Variants in PHLDB2 observed in about 807,000 individuals in gnomAD.
PHLDB2 encodes the protein pleckstrin homology like domain family B member 2.
Under a neutral mutation model 123.6 loss-of-function variants are expected in PHLDB2, and 71 were observed. The ratio of observed to expected loss-of-function variants is 0.57; its 90% CI spans 0.47 to 0.70. The LOEUF is 0.70. Among genes scored for constraint, PHLDB2 ranks in the 30% least tolerant of loss-of-function variants. The pLI is 0.00. For synonymous variants in PHLDB2, 547 were observed against 541.6 expected (o/e 1.01, Z -0.14); for missense variants, 1,446 against 1,519.5 (o/e 0.95, Z 0.80).
At chr3:111,970,936 A>G (rs754964135) in intron 16 of PHLDB2, among the ~76,000 whole-genome samples, 3 of 152,212 alleles carry the variant, frequency 2.0e-5, no homozygotes, top group Non-Finnish European at 4.4e-5. Flanking sequence ...AGCCTGTGGA[A>G]GAAAGGAAAG....
chr3:111,956,076 T>G (rs2071037854), intron 12 of PHLDB2, among the ~76,000 whole-genome samples: 1 of 152,086 alleles, frequency 6.6e-6, no homozygotes, highest in African/African-American at 2.4e-5. Context: ...GCACCTGTGG[T>G]CCCCACCACT....
chr3:111,969,755 G>T lies in PHLDB2; in HGVS notation c.3381G>T (p.Glu1127Asp), dbSNP rs960616938. 3.1e-6 allele frequency: 5 copies of T among 1,613,962 alleles called. No individual in the cohort carries two copies. Among genetic ancestry groups the T allele is most frequent in the African/African-American group, 1.3e-5 (1 of 74,926 alleles). ...ACTTTGATTTGCGGAGCCATGTAGA[G>T]ACTGCTGGCCACAATATTGACACCT... ...KEDFDLRSHV[E>D]TAGHNIDTCY... Residue 1127 changes from glutamate (E) to aspartate (D), a missense_variant, in exon 16 of 18, where the codon GAG becomes GAT. Physicochemically the swap from Glu to Asp is conservative, Grantham distance 45. Around this residue, in one of 3 missense-constraint regions of PHLDB2, gnomAD observed 594 missense variants for 646.0 expected, o/e 0.92. Transcript: ENST00000431670.
intron 1 of PHLDB2, among the ~76,000 whole-genome samples, chr3:111,831,401 T>A (rs2063028281): frequency 6.6e-6 from 1 of 152,096 alleles, no homozygotes; most frequent in African/African-American, 2.4e-5. Flanking sequence ...TTTAAAGTAA[T>A]GAAGAGAAAG....
chr3:111,969,237 A>C (rs150736023), intron 15 of PHLDB2, among the ~76,000 whole-genome samples: 31 of 152,330 alleles, frequency 2.0e-4, no homozygotes, highest in African/African-American at 7.2e-4. Context: ...GGCCGTACTT[A>C]CTAAATAGTG....
At chr3:111,903,702 G>C (rs982989040) in intron 2 of PHLDB2, among the ~76,000 whole-genome samples, 4 of 152,112 alleles carry the variant, frequency 2.6e-5, no homozygotes, top group Non-Finnish European at 5.9e-5. Flanking sequence ...TCCTAACCAT[G>C]ACTGACAAAG....
chr3:111,923,054 A>G (rs547012455), intron 5 of PHLDB2, among the ~76,000 whole-genome samples: 2 of 152,350 alleles, frequency 1.3e-5, no homozygotes, highest in South Asian at 4.1e-4. Context: ...GATTAACGAT[A>G]AGCTACTACC....
Position 111,973,735 on chromosome 3 carries a change from A to G in PHLDB2, c.3539A>G (p.Lys1180Arg). The change falls in exon 17 of 18, where the codon AAG becomes AGG. Residue 1180 changes from lysine (K) to arginine (R), a missense_variant. Lys to Arg is a conservative substitution (Grantham distance 26, BLOSUM62 2). This residue lies in a region of PHLDB2 where 594 missense variants were observed against 646.0 expected (regional missense o/e 0.92). Transcript: ENST00000431670. Reference protein sequence around the residue: ...NKRTFSYYADKHETKLKGVIY... With the variant: ...NKRTFSYYADRHETKLKGVIY... ...TAACACTTATCTGTCTTTGCAGACA[A>G]GCATGAAACTAAATTGAAAGGAGTA... The G allele has an allele frequency of 6.3e-7, 1 of 1,590,814 alleles. No individual in the cohort carries two copies. Among genetic ancestry groups the G allele is most frequent in the South Asian group, 1.1e-5 (1 of 87,598 alleles).
At position 111,911,855 on chromosome 3, in the gene PHLDB2, G is replaced by A. The variant is rs1274020321; in HGVS notation, c.1336-1464G>A. ...ACCTTAAATATCTGTCTTGTCATTT[G>A]AGTAATGTATTTAATGGAACCTAAG... On this transcript the variant is annotated intron_variant, in intron 2 of 17. Transcript: ENST00000431670. The A allele has an allele frequency of 6.5e-6, 5 of 769,808 alleles. No homozygotes were observed. In the Admixed American group the frequency reaches 6.6e-5, roughly 10 times the overall value. The allele number at this position is 769,808 out of a possible 1,614,324, so 47.7% of individuals were successfully genotyped here.
At chr3:111,795,333 T>C (rs1398412300) in intron 1 of PHLDB2, among the ~76,000 whole-genome samples, 1 of 152,098 alleles carries the variant, frequency 6.6e-6, no homozygotes, top group African/African-American at 2.4e-5. Context: ...GTACCCTAAC[T>C]GGAAATTTCA....
At chr3:111,732,769 C>T (rs765188670) in intron 1 of PHLDB2, 328 of 1,348,348 alleles carry the variant, frequency 2.4e-4, no homozygotes, top group Non-Finnish European at 3.2e-4. Context: ...TATACAGCCT[C>T]GTCACCAGAG....
intron 6 of PHLDB2, among the ~76,000 whole-genome samples, chr3:111,933,972 A>T (rs963007338): frequency 6.6e-6 from 1 of 152,212 alleles, no homozygotes; most frequent in Admixed American, 6.5e-5. Context: ...CACAACTTGG[A>T]TTATGATTAA....
chr3:111,737,570 C>T (rs1011901288), intron 1 of PHLDB2, among the ~76,000 whole-genome samples: 5 of 152,064 alleles, frequency 3.3e-5, no homozygotes, highest in South Asian at 2.1e-4. Context: ...TGGAGGGGTT[C>T]CCAGAAAGTA....
intron 2 of PHLDB2, among the ~76,000 whole-genome samples, chr3:111,903,701 T>C (rs955270233): frequency 6.6e-6 from 1 of 152,176 alleles, no homozygotes; most frequent in Non-Finnish European, 1.5e-5. Flanking sequence ...GTCCTAACCA[T>C]GACTGACAAA....
intron 10 of PHLDB2, among the ~76,000 whole-genome samples, chr3:111,950,175 C>T (rs1284042457): frequency 6.6e-6 from 1 of 152,134 alleles, no homozygotes; most frequent in Non-Finnish European, 1.5e-5. Context: ...CAACTTATCT[C>T]AGATAGTTCT....
chr3:111,901,573 C>T (rs2067208525), intron 2 of PHLDB2, among the ~76,000 whole-genome samples: 1 of 151,606 alleles, frequency 6.6e-6, no homozygotes, highest in African/African-American at 2.4e-5. Flanking sequence ...ATTTAAAGGT[C>T]TTTATACCTC....
At chr3:111,841,254 C>T (rs1310257049) in intron 1 of PHLDB2, among the ~76,000 whole-genome samples, 1 of 152,106 alleles carries the variant, frequency 6.6e-6, no homozygotes, top group Non-Finnish European at 1.5e-5. Flanking sequence ...CACCCGCCAT[C>T]ACACCCAGCT....
chr3:111,920,823 C>T (rs1467054024), intron 5 of PHLDB2, among the ~76,000 whole-genome samples: 1 of 152,146 alleles, frequency 6.6e-6, no homozygotes, highest in Non-Finnish European at 1.5e-5. Flanking sequence ...AATAGGGTTG[C>T]CTCATTTCTT....
rs1027230361 is a variant in PHLDB2 at position 111,911,741 on chromosome 3, A to G, written c.1336-1578A>G. 21 of 1,528,412 alleles carry G rather than the reference A, an allele frequency of 1.4e-5. No homozygotes were observed. In the Admixed American group the frequency reaches 3.7e-4, roughly 27 times the overall value. 94.7% of individuals were successfully genotyped at this position (1,528,412 alleles called of 1,614,324 possible). On this transcript the variant is annotated intron_variant, in intron 2 of 17. Coordinates refer to ENST00000431670, the MANE Select transcript of PHLDB2 (RefSeq NM_001134438.2). Reference sequence around the variant, plus strand: ...GAAAGGGAGGTGCGAGCTTGTAGGAACTAGTTTATTAGTCCTTTTGATCAA... The same window carrying G: ...GAAAGGGAGGTGCGAGCTTGTAGGAGCTAGTTTATTAGTCCTTTTGATCAA...
At chr3:111,806,080 G>A (rs1039323584) in intron 1 of PHLDB2, among the ~76,000 whole-genome samples, 3 of 152,102 alleles carry the variant, frequency 2.0e-5, no homozygotes, top group African/African-American at 7.2e-5. Flanking sequence ...GTTATCTGCT[G>A]TGAAAATGCC....
Sources: gnomAD v4.1 joint callset for allele counts (sites outside exome capture counted in the v4.1 genomes callset) on GRCh38, gnomAD v4.1.1 for gene constraint, gnomAD v4.1.1 regional missense constraint, MANE v1.5 for transcripts, NCBI Gene and HGNC (gene_info 2026-07-23, HGNC 2026-07-21) for gene names.